The following PRKAG2 variants were observed in gnomAD, a reference collection of about 807,000 sequenced individuals.
The protein encoded by PRKAG2 is 5'-AMP-activated protein kinase subunit gamma-2.
In PRKAG2, 26 loss-of-function variants were observed where a neutral mutation model predicts 69.6. That is an observed-to-expected ratio of 0.37 (90% CI 0.27 to 0.52). The LOEUF (loss-of-function observed/expected upper bound fraction) is 0.52. Ranked by LOEUF, PRKAG2 falls within the 20% of genes least tolerant of loss-of-function variation. PRKAG2 has a pLI of 0.90. For synonymous variants in PRKAG2, 293 were observed against 285.0 expected, an observed-to-expected ratio of 1.03 and a Z score of -0.28; for missense variants, 557 against 740.0, an observed-to-expected ratio of 0.75 and a Z score of 2.87.
chr7:151,856,190 AT>A (rs1489272410), intron 1 of PRKAG2, among the ~76,000 whole-genome samples: 1 of 152,214 alleles, frequency 6.6e-6, no homozygotes, highest in Non-Finnish European at 1.5e-5. Flanking sequence ...AGGTATTCTT[AT>A]TGCTGTTTCA....
rs575411133 is a variant in PRKAG2 at position 151,828,191 on chromosome 7, C to A, written c.115-41650G>T. On this transcript the variant is annotated intron_variant, in intron 1 of 15. Coordinates refer to ENST00000287878, the MANE Select transcript of PRKAG2 (RefSeq NM_016203.4). This position sits in a 1 kb window ranked among gnomAD's most constrained non-coding sequence, Gnocchi z 4.6. ...GCAACTCTTTGTCCAGGGGTCTCCACGCTTTTGTGAGGAAGAGCTACCTCT... is the reference window on the plus strand; with the variant it reads ...GCAACTCTTTGTCCAGGGGTCTCCAAGCTTTTGTGAGGAAGAGCTACCTCT... 8.5e-5 allele frequency among the ~76,000 whole-genome samples: 13 copies of A among 152,216 alleles called. No homozygotes were observed. The highest frequency in any genetic ancestry group is 1.6e-4 in the Non-Finnish European group (11 of 68,034).
intron 3 of PRKAG2, among the ~76,000 whole-genome samples, chr7:151,704,175 C>T (rs1838223700): frequency 6.6e-6 from 1 of 152,160 alleles, no homozygotes; most frequent in African/African-American, 2.4e-5. Flanking sequence ...GATATCCATC[C>T]TCTCAAGCAT....
intron 4 of PRKAG2, among the ~76,000 whole-genome samples, chr7:151,649,576 T>C (rs1585491325): frequency 6.6e-6 from 1 of 152,192 alleles, no homozygotes; most frequent in Admixed American, 6.5e-5. Context: ...GTGGGGCTGG[T>C]AGGAGGTGAT....
intron 3 of PRKAG2, among the ~76,000 whole-genome samples, chr7:151,749,542 G>A (rs2074524260): frequency 6.6e-6 from 1 of 152,102 alleles, no homozygotes; most frequent in South Asian, 2.1e-4. Flanking sequence ...CACAGGAAAG[G>A]AGAAAATATT....
chr7:151,588,115 A>C lies in PRKAG2; in HGVS notation c.864+7230T>G, dbSNP rs1479249639. ...ATCATTCCTAATGCTTCCCCCCACC[A>C]ATCCTAGGGTGTGAGGATTCCATTA... On this transcript the variant is annotated intron_variant, in intron 6 of 15. Transcript: ENST00000287878. 2.6e-5 allele frequency among the ~76,000 whole-genome samples: 4 copies of C among 152,270 alleles called. No individual in the cohort carries two copies. In the East Asian group the frequency reaches 7.7e-4, roughly 29 times the overall value.
intron 1 of PRKAG2, chr7:151,806,798 TCTA>T (rs1161534634): frequency 2.9e-6 from 1 of 344,208 alleles, no homozygotes; most frequent in African/African-American, 2.2e-5. Context: ...AAACCCTGTC[TCTA>T]CTAACACTAT....
At position 151,682,646 on chromosome 7, in the gene PRKAG2, G is replaced by T. The variant is rs544969090; in HGVS notation, c.467-7009C>A. ...AATAGTTCCTGGACAGCTTCCACGG[G>T]CCAAGTATGCTGGGGGTGTTGAGGA... On this transcript the variant is annotated intron_variant, in intron 3 of 15. Coordinates refer to ENST00000287878, the MANE Select transcript of PRKAG2 (RefSeq NM_016203.4). 2.6e-5 allele frequency among the ~76,000 whole-genome samples: 4 copies of T among 152,332 alleles called. No individual in the cohort carries two copies. The East Asian group carries it at 7.7e-4, about 29-fold the overall frequency.
At chr7:151,866,754 T>C (rs1261374145) in intron 1 of PRKAG2, among the ~76,000 whole-genome samples, 1 of 152,068 alleles carries the variant, frequency 6.6e-6, no homozygotes, top group Non-Finnish European at 1.5e-5. Context: ...GCTGAGTAAA[T>C]GGTTTCCACA....
At chr7:151,855,237 GCCCTCCACACACACCA>G (rs1563757071) in intron 1 of PRKAG2, among the ~76,000 whole-genome samples, 171 of 16,822 alleles carry the variant, frequency 0.01, 8 homozygotes, top group Non-Finnish European at 0.018. Flanking sequence ...CACACACACC[GCCCTCCACACACACCA>G]CCCTCCACAC....
At position 151,614,454 on chromosome 7, in the gene PRKAG2, G is replaced by A. The variant is rs899990734; in HGVS notation, c.754+17615C>T. On this transcript the variant is annotated intron_variant, in intron 5 of 15. Transcript: ENST00000287878. This position sits in a 1 kb window ranked among gnomAD's most constrained non-coding sequence, Gnocchi z 4.4. ...AGGAGGCTGAAAAAATCAGGGCTGC[G>A]TGGACGCTCAGTCAGAGGAGAAAAG... Among the ~76,000 whole-genome samples, 2 of 152,176 alleles carry A rather than the reference G, an allele frequency of 1.3e-5. No individual in the cohort carries two copies. The highest frequency in any genetic ancestry group is 4.8e-5 in the African/African-American group (2 of 41,454).
chr7:151,688,905 C>A (rs1248704523), intron 3 of PRKAG2, among the ~76,000 whole-genome samples: 1 of 152,104 alleles, frequency 6.6e-6, no homozygotes, highest in Non-Finnish European at 1.5e-5. Flanking sequence ...TCACGTGGTT[C>A]CCCTCTCCTC....
At chr7:151,633,175 T>G (rs1050885223) in intron 4 of PRKAG2, 2 of 152,302 alleles carry the variant, frequency 1.3e-5, no homozygotes, top group East Asian at 1.9e-4. Flanking sequence ...TGAAAATGCC[T>G]CTCGTTTAGC....
intron 5 of PRKAG2, among the ~76,000 whole-genome samples, chr7:151,627,540 TA>T (rs111343720): frequency 0.022 from 3,414 of 152,108 alleles, 140 homozygotes; most frequent in East Asian, 0.2. Flanking sequence ...GCATGAGAAT[TA>T]CTTGAGCCTG....
intron 1 of PRKAG2, among the ~76,000 whole-genome samples, chr7:151,853,384 A>G (rs1176079555): frequency 1.3e-5 from 2 of 152,186 alleles, no homozygotes; most frequent in African/African-American, 4.8e-5. Context: ...ATTTACGTAT[A>G]TGTTTTTCAG....
At chr7:151,597,831 C>CCCG (rs397765264) in intron 5 of PRKAG2, among the ~76,000 whole-genome samples, 5 of 149,570 alleles carry the variant, frequency 3.3e-5, no homozygotes, top group Non-Finnish European at 5.9e-5. Flanking sequence ...CCCCCCCCCC[C>CCCG]GCTCTTTTAT....
intron 1 of PRKAG2, among the ~76,000 whole-genome samples, chr7:151,824,327 G>T (rs918200483): frequency 4.6e-5 from 7 of 152,154 alleles, no homozygotes; most frequent in Non-Finnish European, 1.0e-4. Context: ...ATCCTGCCTG[G>T]TTCCTGACTT....
chr7:151,795,885 ATAT>A (rs1563689777), intron 1 of PRKAG2, among the ~76,000 whole-genome samples: 9 of 109,300 alleles, frequency 8.2e-5, no homozygotes, highest in African/African-American at 3.3e-4. Flanking sequence ...ATATATATAT[ATAT>A]ATCACGATAA....
intron 4 of PRKAG2, among the ~76,000 whole-genome samples, chr7:151,652,189 C>G (rs1254898205): frequency 1.3e-5 from 2 of 152,108 alleles, no homozygotes; most frequent in Non-Finnish European, 2.9e-5. Flanking sequence ...TAAAAAACCC[C>G]ACCACTTGTC....
At chr7:151,838,253 G>A (rs963916936) in intron 1 of PRKAG2, among the ~76,000 whole-genome samples, 4 of 152,198 alleles carry the variant, frequency 2.6e-5, no homozygotes, top group Admixed American at 2.0e-4. Context: ...CAGCGGGGCT[G>A]TGGCGTTGCA....
Sources: gnomAD v4.1 joint callset for allele counts (sites outside exome capture counted in the v4.1 genomes callset) on GRCh38, gnomAD v4.1.1 for gene constraint, Gnocchi (gnomAD v3.1) non-coding constraint, MANE v1.5 for transcripts, NCBI Gene and HGNC (gene_info 2026-07-23, HGNC 2026-07-21) for gene names.